Variants in FBXL17 observed in about 807,000 individuals in gnomAD.
FBXL17 encodes F-box and leucine rich repeat protein 17, also known as F-box/LRR-repeat protein 17.
In FBXL17, 22 loss-of-function variants were observed where a neutral mutation model predicts 66.2. The observed-to-expected ratio is 0.33, with a 90% CI of 0.24 to 0.47. The LOEUF (loss-of-function observed/expected upper bound fraction) is 0.47. Ranked by LOEUF, FBXL17 falls within the 20% of genes least tolerant of loss-of-function variation. The pLI is 1.00. For synonymous variants in FBXL17, 474 were observed against 400.5 expected (o/e 1.18, Z -2.19); for missense variants, 878 against 948.2 (o/e 0.93, Z 0.97).
At chr5:107,907,439 A>G (rs1215906573) in intron 7 of FBXL17, among the ~76,000 whole-genome samples, 1 of 152,154 alleles carries the variant, frequency 6.6e-6, no homozygotes, top group Non-Finnish European at 1.5e-5. Context: ...GCGCAGCTGC[A>G]AAGTAGTATC....
intron 1 of FBXL17, among the ~76,000 whole-genome samples, chr5:108,373,453 G>T (rs182975580): frequency 1.2e-3 from 176 of 147,718 alleles, no homozygotes; most frequent in Middle Eastern, 0.011. Flanking sequence ...ATATGAGAAG[G>T]GGATCAAAAT....
intron 6 of FBXL17, among the ~76,000 whole-genome samples, chr5:108,165,403 T>G (rs1253656732): frequency 6.6e-6 from 1 of 152,150 alleles, no homozygotes. Context: ...AAATATTTAC[T>G]AAAAATCTAC....
chr5:108,004,526 T>A (rs941808082), intron 7 of FBXL17, among the ~76,000 whole-genome samples: 1 of 152,190 alleles, frequency 6.6e-6, no homozygotes, highest in Non-Finnish European at 1.5e-5. Flanking sequence ...AGTAAAGGTA[T>A]GTCTGGTTGT....
intron 7 of FBXL17, among the ~76,000 whole-genome samples, chr5:107,910,625 C>A (rs1207865534): frequency 6.6e-6 from 1 of 151,898 alleles, no homozygotes; most frequent in Non-Finnish European, 1.5e-5. Flanking sequence ...TCAGGATTTC[C>A]AAAGGATATA....
At chr5:108,085,124 T>C (rs757732191) in intron 6 of FBXL17, among the ~76,000 whole-genome samples, 1 of 152,258 alleles carries the variant, frequency 6.6e-6, no homozygotes, top group Non-Finnish European at 1.5e-5. Context: ...CAAATTTTGA[T>C]TACATAGTCT....
chr5:108,123,035 T>G (rs1273638882), intron 6 of FBXL17, among the ~76,000 whole-genome samples: 1 of 151,490 alleles, frequency 6.6e-6, no homozygotes, highest in Admixed American at 6.6e-5. Flanking sequence ...GTGTGATTTT[T>G]ACTTTTTATT....
chr5:107,899,986 T>C (rs559246616), intron 7 of FBXL17, among the ~76,000 whole-genome samples: 4 of 152,198 alleles, frequency 2.6e-5, no homozygotes, highest in Non-Finnish European at 4.4e-5. Context: ...CTTTTCCAAA[T>C]AGTCTCAAGA....
At chr5:107,990,070 A>C (rs1172233590) in intron 7 of FBXL17, among the ~76,000 whole-genome samples, 3 of 152,342 alleles carry the variant, frequency 2.0e-5, no homozygotes, top group African/African-American at 7.2e-5. Flanking sequence ...TCTAGGGATG[A>C]AACTTTAGAA....
At chr5:108,142,861 C>T (rs1004097939) in intron 6 of FBXL17, among the ~76,000 whole-genome samples, 6 of 151,958 alleles carry the variant, frequency 3.9e-5, no homozygotes, top group African/African-American at 1.5e-4. Flanking sequence ...GGACGGATAG[C>T]ATTAGGATGA....
chr5:107,950,003 G>T (rs1320240543), intron 7 of FBXL17, among the ~76,000 whole-genome samples: 2 of 152,138 alleles, frequency 1.3e-5, no homozygotes, highest in Non-Finnish European at 2.9e-5. Flanking sequence ...CAGTCACTTT[G>T]TTGACTGCTG....
chr5:108,198,262 T>C (rs1753757964), intron 5 of FBXL17, among the ~76,000 whole-genome samples: 1 of 152,122 alleles, frequency 6.6e-6, no homozygotes, highest in Non-Finnish European at 1.5e-5. Flanking sequence ...TTAAGTCGTT[T>C]TTATGATAAA....
chr5:107,915,159 C>T (rs1350991211), intron 7 of FBXL17, among the ~76,000 whole-genome samples: 1 of 151,942 alleles, frequency 6.6e-6, no homozygotes, highest in Non-Finnish European at 1.5e-5. Flanking sequence ...TTTTGGCACC[C>T]CGTAAAATTT....
intron 8 of FBXL17, among the ~76,000 whole-genome samples, chr5:107,871,028 C>T (rs183183728): frequency 3.1e-4 from 34 of 109,392 alleles, no homozygotes; most frequent in African/African-American, 1.2e-3. Context: ...GTTTTTCATA[C>T]AGAGGTAAGA....
At chr5:108,234,621 G>C (rs988976223) in intron 4 of FBXL17, among the ~76,000 whole-genome samples, 3 of 152,192 alleles carry the variant, frequency 2.0e-5, no homozygotes, top group African/African-American at 7.2e-5. Flanking sequence ...CTACTTTCTA[G>C]GGAATTTTCT....
chr5:108,059,994 GAATA>G (rs1473390304), intron 6 of FBXL17, among the ~76,000 whole-genome samples: 2 of 149,700 alleles, frequency 1.3e-5, no homozygotes, highest in African/African-American at 4.9e-5. Context: ...TTTATATACT[GAATA>G]TATATAAAAA....
At chr5:107,918,753 G>C (rs1750216111) in intron 7 of FBXL17, among the ~76,000 whole-genome samples, 1 of 152,142 alleles carries the variant, frequency 6.6e-6, no homozygotes, top group Non-Finnish European at 1.5e-5. Context: ...GTGCTTTCAT[G>C]AGACTTTAAG....
At chr5:108,136,405 T>C (rs920561469) in intron 6 of FBXL17, among the ~76,000 whole-genome samples, 5 of 152,160 alleles carry the variant, frequency 3.3e-5, no homozygotes, top group Admixed American at 2.6e-4. Context: ...TGATAGCAAG[T>C]TTCTGTAATA....
At chr5:108,108,780 GTTTTTGTTTTTTT>G in intron 6 of FBXL17, among the ~76,000 whole-genome samples, 1 of 122,140 alleles carries the variant, frequency 8.2e-6, no homozygotes, top group East Asian at 2.7e-4. Flanking sequence ...CTCACACTTT[GTTTTTGTTTTTTT>G]TTTTTTTGAG....
chr5:108,094,901 T>C (rs1445805641), intron 6 of FBXL17, among the ~76,000 whole-genome samples: 1 of 151,864 alleles, frequency 6.6e-6, no homozygotes, highest in Non-Finnish European at 1.5e-5. Context: ...TGAGTGACCT[T>C]CTATGAAAAA....
Sources: gnomAD v4.1 joint callset for allele counts (sites outside exome capture counted in the v4.1 genomes callset) on GRCh38, gnomAD v4.1.1 for gene constraint, MANE v1.5 for transcripts, NCBI Gene and HGNC (gene_info 2026-07-23, HGNC 2026-07-21) for gene names.